The following PTPRG variants were observed in gnomAD, a reference collection of about 807,000 sequenced individuals.
The protein encoded by PTPRG is receptor-type tyrosine-protein phosphatase gamma.
In PTPRG, 102 loss-of-function variants were observed where a neutral mutation model predicts 165.3. The observed-to-expected ratio is 0.62, with a 90% confidence interval of 0.53 to 0.73. The LOEUF (loss-of-function observed/expected upper bound fraction) is 0.73. Ranked by LOEUF, PTPRG falls within the 30% of genes least tolerant of loss-of-function variation. PTPRG has a pLI of 0.00. For synonymous variants in PTPRG, 675 were observed against 669.5 expected, an observed-to-expected ratio of 1.01 and a Z score of -0.13; for missense variants, 1,866 against 1,861.4, an observed-to-expected ratio of 1.00 and a Z score of -0.05.
chr3:62,171,678 T>A (rs1237474015), intron 8 of PTPRG, among the ~76,000 whole-genome samples: 2 of 152,218 alleles, frequency 1.3e-5, no homozygotes, highest in Non-Finnish European at 2.9e-5. Flanking sequence ...TAGGTCATTT[T>A]TTTTTTATTG....
At chr3:62,189,087 C>G (rs1324568474) in intron 8 of PTPRG, among the ~76,000 whole-genome samples, 3 of 152,122 alleles carry the variant, frequency 2.0e-5, no homozygotes, top group African/African-American at 4.8e-5. Context: ...CCTTCAGATT[C>G]TTTGTTTGAT....
In PTPRG at chr3:62,195,126, G is replaced by A. The variant is rs760822212; in HGVS notation, c.1283G>A (p.Arg428Gln). The A allele has an allele frequency of 1.1e-5, 18 of 1,614,092 alleles. No homozygotes were observed. Among genetic ancestry groups the A allele is most frequent in the African/African-American group, 4.0e-5 (3 of 74,930 alleles). ...CTGTTCCGAGTCCAGGCCGTGTGTC[G>A]GAACGACATGCGCAGCGACTTTAGC... ...LYLFRVQAVC[R>Q]NDMRSDFSQT... The change falls in exon 10 of 30, where the codon CGG (arginine) becomes CAG (glutamine). Residue 428 changes from arginine (R) to glutamine (Q), a missense_variant. Around this residue, in one of 3 missense-constraint regions of PTPRG, gnomAD observed 1,452 missense variants for 1,463.0 expected, o/e 0.99. Transcript: ENST00000474889. The surrounding 1 kb of genome is among the most constrained non-coding windows in gnomAD (Gnocchi z 4.4).
At chr3:61,920,824 A>G (rs1178333671) in intron 2 of PTPRG, among the ~76,000 whole-genome samples, 1 of 152,226 alleles carries the variant, frequency 6.6e-6, no homozygotes, top group East Asian at 1.9e-4. Context: ...TGTGATTTTT[A>G]AACATTGATG....
intron 2 of PTPRG, among the ~76,000 whole-genome samples, chr3:61,812,428 G>A (rs577388819): frequency 1.3e-5 from 2 of 152,098 alleles, no homozygotes; most frequent in African/African-American, 4.8e-5. Context: ...CATTCAAAAC[G>A]GGTATGTACA....
intron 5 of PTPRG, among the ~76,000 whole-genome samples, chr3:62,125,275 C>G (rs1703246177): frequency 6.6e-6 from 1 of 152,154 alleles, no homozygotes; most frequent in South Asian, 2.1e-4. Flanking sequence ...GAAGGATCAA[C>G]CTGGCAACCT....
At chr3:62,140,814 T>A (rs1703897813) in intron 6 of PTPRG, among the ~76,000 whole-genome samples, 1 of 133,678 alleles carries the variant, frequency 7.5e-6, no homozygotes, top group Admixed American at 8.8e-5. Context: ...GCCACTGCAC[T>A]CCAGCTTGGG....
At chr3:61,894,301 C>CAAAAAAAAAAAAAAAAAAAA (rs767479285) in intron 2 of PTPRG, among the ~76,000 whole-genome samples, 5 of 49,850 alleles carry the variant, frequency 1.0e-4, no homozygotes, top group African/African-American at 3.3e-4. Flanking sequence ...GACTCTGTGT[C>CAAAAAAAAAAAAAAAAAAAA]AAAAAAAAAA....
In PTPRG at chr3:61,600,190, A is replaced by ATGTGTGTGTGTGTGTGTGTGTGTG. The variant is rs1293051250; in HGVS notation, c.85+37819_85+37820insGTGTGTGTGTGTGTGTGTGTGTGT. On this transcript the variant is annotated intron_variant, in intron 1 of 29. Transcript: ENST00000474889. ...AAAAAAAAAATATATATATATATAT[A>ATGTGTGTGTGTGTGTGTGTGTGTG]TATGTGTGTGTGTGTGTGTGTGTGT... 3.6e-3 allele frequency among the ~76,000 whole-genome samples: 426 copies of ATGTGTGTGTGTGTGTGTGTGTGTG among 117,782 alleles called. 2 individuals are homozygous for ATGTGTGTGTGTGTGTGTGTGTGTG. The highest frequency in any genetic ancestry group is 9.3e-3 in the Middle Eastern group (2 of 216). The allele number at this position is 117,782 out of a possible 152,430, so 77.3% of individuals were successfully genotyped here.
chr3:61,925,169 G>A (rs887541830), intron 2 of PTPRG, among the ~76,000 whole-genome samples: 5 of 152,186 alleles, frequency 3.3e-5, no homozygotes, highest in Non-Finnish European at 7.3e-5. Flanking sequence ...AAATGGACAT[G>A]GCTTCTTTCA....
rs117878010 is a variant in PTPRG, at chr3:62,021,212, C to A, written c.519+17715C>A. 8.3e-4 allele frequency among the ~76,000 whole-genome samples: 127 copies of A among 152,252 alleles called. No homozygotes were observed. In the East Asian group the frequency reaches 0.018, roughly 22 times the overall value. ...ATAGTAGGTGATTGATAAATTTTTGCTTTTTTCCATGATGTGGATGCAATA... is the reference window on the plus strand; with the variant it reads ...ATAGTAGGTGATTGATAAATTTTTGATTTTTTCCATGATGTGGATGCAATA... On this transcript the variant is annotated intron_variant, in intron 4 of 29. Coordinates refer to ENST00000474889, the MANE Select transcript of PTPRG (RefSeq NM_002841.4).
chr3:62,004,505 T>G (rs140324868), intron 4 of PTPRG, among the ~76,000 whole-genome samples: 2,427 of 152,298 alleles, frequency 0.016, 56 homozygotes, highest in African/African-American at 0.055. Context: ...CCTCCTTAGT[T>G]CTTGTTTTCT....
intron 5 of PTPRG, among the ~76,000 whole-genome samples, chr3:62,094,467 T>C (rs1029711051): frequency 2.0e-5 from 3 of 152,186 alleles, no homozygotes; most frequent in Admixed American, 2.0e-4. Context: ...GGTGCTATGG[T>C]CGTGAGAGCT....
At chr3:61,650,622 T>C (rs192416344) in intron 1 of PTPRG, among the ~76,000 whole-genome samples, 1 of 152,160 alleles carries the variant, frequency 6.6e-6, no homozygotes, top group African/African-American at 2.4e-5. Context: ...CTAACCAGAG[T>C]GCTCTTTTCC....
chr3:61,622,848 G>A (rs1352929275), intron 1 of PTPRG, among the ~76,000 whole-genome samples: 2 of 152,114 alleles, frequency 1.3e-5, no homozygotes, highest in Non-Finnish European at 2.9e-5. Flanking sequence ...AAGTGCCATA[G>A]TCACTTCTTT....
intron 15 of PTPRG, among the ~76,000 whole-genome samples, chr3:62,246,117 A>T (rs916446834): frequency 2.0e-5 from 3 of 152,194 alleles, no homozygotes; most frequent in African/African-American, 7.2e-5. Flanking sequence ...TAATATAACT[A>T]TATCAAAAGA....
rs115731623 is a variant in PTPRG, at chr3:61,598,902, G to A, written c.85+36530G>A. Among the ~76,000 whole-genome samples the A allele has an allele frequency of 9.0e-3, 1,372 of 152,152 alleles. 18 individuals carry two copies. Among genetic ancestry groups the A allele is most frequent in the African/African-American group, 0.031 (1,298 of 41,494 alleles). ...CACCTGGTGTTCTCCCTGGCTGTGTGTGTCTGTGTCCAAGTTTCTCCTTGC... is the reference window on the plus strand; with the variant it reads ...CACCTGGTGTTCTCCCTGGCTGTGTATGTCTGTGTCCAAGTTTCTCCTTGC... On this transcript the variant is annotated intron_variant, in intron 1 of 29. Coordinates refer to ENST00000474889, the MANE Select transcript of PTPRG (RefSeq NM_002841.4).
At chr3:62,238,916 T>G (rs1017887139) in intron 14 of PTPRG, among the ~76,000 whole-genome samples, 1 of 152,126 alleles carries the variant, frequency 6.6e-6, no homozygotes, top group Non-Finnish European at 1.5e-5. Flanking sequence ...GATAACTAAT[T>G]TGGGTCATTA....
At chr3:61,958,203 T>C (rs1431159711) in intron 2 of PTPRG, among the ~76,000 whole-genome samples, 2 of 152,146 alleles carry the variant, frequency 1.3e-5, no homozygotes, top group African/African-American at 2.4e-5. Flanking sequence ...CTTAGCTCAC[T>C]GCAACCTCTG....
At chr3:62,003,785 C>A (rs1435302144) in intron 4 of PTPRG, among the ~76,000 whole-genome samples, 2 of 152,186 alleles carry the variant, frequency 1.3e-5, no homozygotes, top group Non-Finnish European at 2.9e-5. Context: ...TTTTCACTGT[C>A]TGTTCCCATT....
Sources: allele counts gnomAD v4.1 joint callset (sites outside exome capture counted in the v4.1 genomes callset), GRCh38; gene constraint gnomAD v4.1.1; regional missense constraint gnomAD v4.1.1; non-coding constraint Gnocchi (gnomAD v3.1); transcripts MANE v1.5; gene names NCBI Gene and HGNC (gene_info 2026-07-23, HGNC 2026-07-21).